Variants in OTUD7A observed in about 807,000 individuals in gnomAD.
OTUD7A encodes the protein OTU deubiquitinase 7A, also known as OTU domain-containing protein 7A.
OTUD7A carries 12 observed loss-of-function variants against 65.7 expected under a neutral mutation model. The ratio of observed to expected loss-of-function variants is 0.18; its 90% confidence interval spans 0.12 to 0.30. The LOEUF (loss-of-function observed/expected upper bound fraction) is 0.30, where lower values mean the gene tolerates loss of function less well. Ranked by LOEUF, OTUD7A falls within the 10% of genes least tolerant of loss-of-function variation. The pLI is 1.00. For missense variants in OTUD7A, 1,148 were observed against 1,304.8 expected, an observed-to-expected ratio of 0.88 and a Z score of 1.85; for synonymous variants, 641 against 586.3, an observed-to-expected ratio of 1.09 and a Z score of -1.35.
At chr15:31,681,619 A>C (rs11854441) in intron 1 of OTUD7A, among the ~76,000 whole-genome samples, 24,055 of 138,890 alleles carry the variant, frequency 0.17, 1,863 homozygotes, top group East Asian at 0.31. Context: ...TTCTCCCTCT[A>C]TACCTTTCTG....
At chr15:31,672,491 T>C (rs926935611) in intron 1 of OTUD7A, among the ~76,000 whole-genome samples, 1 of 152,224 alleles carries the variant, frequency 6.6e-6, no homozygotes, top group Non-Finnish European at 1.5e-5. Flanking sequence ...CACAATTACA[T>C]TGATCGTGCT....
intron 1 of OTUD7A, among the ~76,000 whole-genome samples, chr15:31,813,222 A>C (rs1001195952): frequency 6.6e-6 from 1 of 152,204 alleles, no homozygotes; most frequent in African/African-American, 2.4e-5. Context: ...TCCCCATGCC[A>C]ATGCCGTTGC....
At chr15:31,800,547 A>G (rs918658749) in intron 1 of OTUD7A, among the ~76,000 whole-genome samples, 6 of 152,096 alleles carry the variant, frequency 3.9e-5, no homozygotes, top group African/African-American at 1.4e-4. Context: ...AACCTACCCA[A>G]TGGCCTCTGT....
chr15:31,483,465 C>A lies in OTUD7A; in HGVS notation c.2631G>T (p.Pro877=). The part of the protein sequence containing the change: ...DGLEFADADA[P]TARSNGECGR... The stretch of plus-strand genomic sequence containing the variant: ...CGCACTCACCGTTCGAGCGCGCGGT[C>A]GGCGCGTCGGCGTCGGCGAACTCCA... The change falls in exon 13 of 13, where the codon CCG becomes CCT. Residue 877 remains proline, a synonymous_variant. Coordinates refer to ENST00000307050, the MANE Select transcript of OTUD7A (RefSeq NM_001382637.1). 7 of 1,379,428 alleles carry A rather than the reference C, an allele frequency of 5.1e-6. No homozygotes were observed. The highest frequency in any genetic ancestry group is 1.5e-5 in the South Asian group (1 of 68,872). The allele number at this position is 1,379,428 out of a possible 1,614,324, so 85.4% of individuals were successfully genotyped here.
At chr15:31,606,669 T>C (rs1216319087) in intron 3 of OTUD7A, among the ~76,000 whole-genome samples, 1 of 152,234 alleles carries the variant, frequency 6.6e-6, no homozygotes, top group African/African-American at 2.4e-5. Flanking sequence ...TCACATTAAC[T>C]GTCTAACGCA....
intron 1 of OTUD7A, among the ~76,000 whole-genome samples, chr15:31,796,041 C>T (rs1393667100): frequency 6.6e-6 from 1 of 152,076 alleles, no homozygotes; most frequent in Non-Finnish European, 1.5e-5. Context: ...GAGAGATGCA[C>T]TAGAAGCAGA....
Position 31,788,223 on chromosome 15 carries a change from T to C in OTUD7A, c.-100+82284A>G, listed in dbSNP as rs190797122. 2.6e-5 allele frequency among the ~76,000 whole-genome samples: 4 copies of C among 152,326 alleles called. No homozygotes were observed. The South Asian group carries it at 6.2e-4, about 24-fold the overall frequency. On this transcript the variant is annotated intron_variant, in intron 1 of 12. Coordinates refer to ENST00000307050, the MANE Select transcript of OTUD7A (RefSeq NM_001382637.1). ...AATCAGCCTTGTAGACACTAAGAAA[T>C]ATGCGTAAGACTTTGCACTAATGTG... is the stretch of plus-strand genomic sequence containing the variant.
intron 1 of OTUD7A, among the ~76,000 whole-genome samples, chr15:31,841,235 T>C (rs1455882625): frequency 5.3e-5 from 8 of 152,150 alleles, no homozygotes; most frequent in Non-Finnish European, 1.2e-4. Context: ...GCACTCAACT[T>C]GGACTTCAAC....
At chr15:31,596,610 G>A (rs1045724740) in intron 3 of OTUD7A, among the ~76,000 whole-genome samples, 3 of 152,086 alleles carry the variant, frequency 2.0e-5, no homozygotes, top group African/African-American at 7.2e-5. Flanking sequence ...ACATTGGAAA[G>A]TTCTATTTTT....
intron 1 of OTUD7A, among the ~76,000 whole-genome samples, chr15:31,693,694 T>G (rs1373701192): frequency 6.6e-6 from 1 of 152,124 alleles, no homozygotes; most frequent in Non-Finnish European, 1.5e-5. Flanking sequence ...GTCTGTAAGG[T>G]GCAAGTGAAA....
intron 3 of OTUD7A, among the ~76,000 whole-genome samples, chr15:31,648,104 T>C (rs1350579130): frequency 6.6e-6 from 1 of 152,128 alleles, no homozygotes; most frequent in African/African-American, 2.4e-5. Context: ...CTTGAATTTG[T>C]TTGGGAGAAC....
At chr15:31,737,567 A>C (rs1894225557) in intron 1 of OTUD7A, among the ~76,000 whole-genome samples, 1 of 152,236 alleles carries the variant, frequency 6.6e-6, no homozygotes, top group African/African-American at 2.4e-5. Flanking sequence ...AGTAATCTGG[A>C]AACGGCGATT....
intron 1 of OTUD7A, among the ~76,000 whole-genome samples, chr15:31,696,789 G>A (rs1388992337): frequency 6.6e-6 from 1 of 151,738 alleles, no homozygotes; most frequent in African/African-American, 2.4e-5. Flanking sequence ...GAGGGCCTGG[G>A]GCTAGGTGTC....
At chr15:31,548,218 C>T (rs77313478) in intron 5 of OTUD7A, among the ~76,000 whole-genome samples, 331 of 67,376 alleles carry the variant, frequency 4.9e-3, no homozygotes, top group Middle Eastern at 0.037. Context: ...TCTGTGGGCG[C>T]CCTGGGCCAC....
intron 3 of OTUD7A, among the ~76,000 whole-genome samples, chr15:31,600,983 A>G (rs1890056225): frequency 6.6e-6 from 1 of 152,184 alleles, no homozygotes; most frequent in South Asian, 2.1e-4. Flanking sequence ...ACCTACAAAG[A>G]GACTCAGACT....
At chr15:31,610,922 C>T (rs1375857899) in intron 3 of OTUD7A, among the ~76,000 whole-genome samples, 2 of 151,812 alleles carry the variant, frequency 1.3e-5, no homozygotes, top group Non-Finnish European at 2.9e-5. Context: ...AGCCACCATG[C>T]CCGGCCAGAA....
At chr15:31,593,115 A>C (rs1320692199) in intron 3 of OTUD7A, among the ~76,000 whole-genome samples, 1 of 151,844 alleles carries the variant, frequency 6.6e-6, no homozygotes, top group East Asian at 1.9e-4. Flanking sequence ...ATGGCAGCAC[A>C]GTAGATTTAT....
intron 1 of OTUD7A, among the ~76,000 whole-genome samples, chr15:31,685,529 G>T (rs1234378264): frequency 6.6e-6 from 1 of 151,986 alleles, no homozygotes; most frequent in African/African-American, 2.4e-5. Context: ...CGTGGTGGCG[G>T]GCGCCTGTAG....
intron 1 of OTUD7A, among the ~76,000 whole-genome samples, chr15:31,851,840 T>C (rs949299537): frequency 1.3e-5 from 2 of 152,156 alleles, no homozygotes; most frequent in Non-Finnish European, 2.9e-5. Flanking sequence ...ATTGCCATTT[T>C]GTGTTTTGTT....
Sources: gnomAD v4.1 joint callset for allele counts (sites outside exome capture counted in the v4.1 genomes callset) on GRCh38, gnomAD v4.1.1 for gene constraint, MANE v1.5 for transcripts, NCBI Gene and HGNC (gene_info 2026-07-23, HGNC 2026-07-21) for gene names.